The following TRERF1 variants were observed in gnomAD, a reference collection of about 807,000 sequenced individuals.
The protein encoded by TRERF1 is transcriptional regulating factor 1.
Under a neutral mutation model 122.9 loss-of-function variants are expected in TRERF1, and 27 were observed. The observed-to-expected ratio is 0.22, with a 90% CI of 0.16 to 0.30. TRERF1 has a LOEUF of 0.30. Among genes scored for constraint, TRERF1 ranks in the 10% least tolerant of loss-of-function variants. The pLI is 1.00. For synonymous variants in TRERF1, 636 were observed against 641.7 expected (o/e 0.99, Z 0.13); for missense variants, 1,248 against 1,560.3 (o/e 0.80, Z 3.37).
intron 2 of TRERF1, among the ~76,000 whole-genome samples, chr6:42,412,258 C>T (rs1357537082): frequency 6.6e-6 from 1 of 152,142 alleles, no homozygotes; most frequent in Admixed American, 6.5e-5. Flanking sequence ...ACTTCGGCCT[C>T]CCAAAGTGCT....
chr6:42,400,490 G>A (rs1488953691), intron 2 of TRERF1, among the ~76,000 whole-genome samples: 2 of 152,158 alleles, frequency 1.3e-5, no homozygotes, highest in Non-Finnish European at 1.5e-5. Flanking sequence ...CTTGCTTATT[G>A]GGGGTACACC....
intron 2 of TRERF1, among the ~76,000 whole-genome samples, chr6:42,443,691 C>G (rs953463962): frequency 8.5e-5 from 13 of 152,202 alleles, no homozygotes; most frequent in Admixed American, 3.9e-4. Context: ...ACTGCCCAGC[C>G]AGCATTTCTG....
chr6:42,430,334 C>T (rs940338243), intron 2 of TRERF1, among the ~76,000 whole-genome samples: 3 of 152,136 alleles, frequency 2.0e-5, no homozygotes, highest in Non-Finnish European at 2.9e-5. Context: ...TTAAGAAAAC[C>T]GGCAAGTCCC....
intron 8 of TRERF1, among the ~76,000 whole-genome samples, chr6:42,261,578 G>A (rs748510885): frequency 1.3e-5 from 2 of 152,098 alleles, no homozygotes; most frequent in African/African-American, 2.4e-5. Context: ...CCCTATCAAG[G>A]TCAGGGGAGG....
intron 4 of TRERF1, among the ~76,000 whole-genome samples, chr6:42,300,262 G>A (rs567538720): frequency 6.6e-6 from 1 of 152,304 alleles, no homozygotes. Context: ...CTGTCTAGCA[G>A]GTACTGGGAC....
chr6:42,415,233 C>T (rs947340318), intron 2 of TRERF1, among the ~76,000 whole-genome samples: 3 of 152,144 alleles, frequency 2.0e-5, no homozygotes, highest in Non-Finnish European at 2.9e-5. Flanking sequence ...GCCCATTTTT[C>T]AATTAATGAC....
At chr6:42,448,824 A>G (rs1455138610) in intron 2 of TRERF1, among the ~76,000 whole-genome samples, 1 of 152,236 alleles carries the variant, frequency 6.6e-6, no homozygotes, top group Non-Finnish European at 1.5e-5. Context: ...ATTGAACACA[A>G]GACAATTTTA....
At chr6:42,384,347 T>C (rs1300395510) in intron 2 of TRERF1, among the ~76,000 whole-genome samples, 1 of 152,202 alleles carries the variant, frequency 6.6e-6, no homozygotes, top group Non-Finnish European at 1.5e-5. Context: ...TGTCATAATA[T>C]GGAATAATTT....
intron 2 of TRERF1, among the ~76,000 whole-genome samples, chr6:42,422,242 G>A (rs548833105): frequency 9.2e-5 from 14 of 151,924 alleles, no homozygotes; most frequent in African/African-American, 1.9e-4. Context: ...CCTCCTAGCC[G>A]GGCACAGTGG....
chr6:42,270,817 G>C (rs1044257248), intron 4 of TRERF1, among the ~76,000 whole-genome samples: 2 of 142,252 alleles, frequency 1.4e-5, no homozygotes, highest in African/African-American at 5.2e-5. Flanking sequence ...CTGTTGCCCA[G>C]GCTGGAGAGC....
At chr6:42,334,014 C>CACAA (rs1180498430) in intron 3 of TRERF1, among the ~76,000 whole-genome samples, 32 of 151,468 alleles carry the variant, frequency 2.1e-4, no homozygotes, top group African/African-American at 7.8e-4. Context: ...CACACACACA[C>CACAA]ACACACACAC....
chr6:42,288,830 G>C (rs1783753396), intron 4 of TRERF1, among the ~76,000 whole-genome samples: 1 of 151,980 alleles, frequency 6.6e-6, no homozygotes, highest in African/African-American at 2.4e-5. Context: ...GGAGGAAAAA[G>C]GAACACAGTG....
intron 3 of TRERF1, among the ~76,000 whole-genome samples, chr6:42,333,379 C>G (rs998211983): frequency 2.0e-5 from 3 of 152,200 alleles, no homozygotes; most frequent in Non-Finnish European, 4.4e-5. Context: ...CAAGCCTCTT[C>G]ATGAGACATG....
chr6:42,280,658 G>T (rs900289992), intron 4 of TRERF1, among the ~76,000 whole-genome samples: 2 of 152,062 alleles, frequency 1.3e-5, no homozygotes, highest in Non-Finnish European at 1.5e-5. Context: ...GATGAGTGAG[G>T]CTCCTCATTC....
chr6:42,341,557 G>A (rs940105211), intron 3 of TRERF1, among the ~76,000 whole-genome samples: 2 of 152,174 alleles, frequency 1.3e-5, no homozygotes, highest in African/African-American at 2.4e-5. Flanking sequence ...AACCCAGGAA[G>A]GTATGTTTAC....
intron 2 of TRERF1, among the ~76,000 whole-genome samples, chr6:42,405,293 C>G (rs928687327): frequency 6.6e-6 from 1 of 152,126 alleles, no homozygotes; most frequent in Non-Finnish European, 1.5e-5. Flanking sequence ...TGCGAGGCCC[C>G]AGCACACAAG....
At chr6:42,354,408 C>A (rs1489996957) in intron 3 of TRERF1, among the ~76,000 whole-genome samples, 2 of 150,354 alleles carry the variant, frequency 1.3e-5, no homozygotes, top group African/African-American at 4.9e-5. Flanking sequence ...CACATAAACG[C>A]TTCATTTTCC....
chr6:42,439,091 C>T (rs1297523425), intron 2 of TRERF1, among the ~76,000 whole-genome samples: 1 of 152,180 alleles, frequency 6.6e-6, no homozygotes, highest in African/African-American at 2.4e-5. Context: ...CAGGCCATGC[C>T]GTAGAAAGAT....
At chr6:42,250,194 A>C (rs936183822) in intron 13 of TRERF1, among the ~76,000 whole-genome samples, 1 of 152,156 alleles carries the variant, frequency 6.6e-6, no homozygotes, top group Non-Finnish European at 1.5e-5. Flanking sequence ...AGTGTTCGAT[A>C]CATGTTTTGA....
Sources: gnomAD v4.1 joint callset for allele counts (sites outside exome capture counted in the v4.1 genomes callset) on GRCh38, gnomAD v4.1.1 for gene constraint, MANE v1.5 for transcripts, NCBI Gene and HGNC (gene_info 2026-07-23, HGNC 2026-07-21) for gene names.